Variants in SPTBN4 observed in about 807,000 individuals in gnomAD.
SPTBN4 encodes spectrin beta chain, non-erythrocytic 4.
Under a neutral mutation model 277.8 loss-of-function variants are expected in SPTBN4, and 96 were observed. That is an observed-to-expected ratio of 0.35 (90% CI 0.29 to 0.41). SPTBN4 has a LOEUF of 0.41. SPTBN4 is among the 10% of genes least tolerant of loss of function. The pLI, the probability that SPTBN4 is intolerant of heterozygous loss-of-function variation, is 1.00. For missense variants in SPTBN4, 3,006 were observed against 3,595.7 expected, an observed-to-expected ratio of 0.84 and a Z score of 4.19; for synonymous variants, 1,481 against 1,580.3, an observed-to-expected ratio of 0.94 and a Z score of 1.49.
intron 2 of SPTBN4, among the ~76,000 whole-genome samples, chr19:40,485,435 C>T (rs2080060520): frequency 6.6e-6 from 1 of 152,154 alleles, no homozygotes; most frequent in Non-Finnish European, 1.5e-5. Flanking sequence ...GCCACCATGC[C>T]CAGCCTTTTT....
At chr19:40,575,035 C>A (rs976863911) in intron 35 of SPTBN4, among the ~76,000 whole-genome samples, 2 of 143,620 alleles carry the variant, frequency 1.4e-5, no homozygotes, top group South Asian at 2.2e-4. Flanking sequence ...AAAAAAAAGT[C>A]TCTTATCATA....
chr19:40,494,990 C>T lies in SPTBN4; in HGVS notation c.668+13C>T. On this transcript the variant is annotated intron_variant, in intron 6 of 35. Transcript: ENST00000598249. The stretch of plus-strand genomic sequence containing the variant: ...TTCACCGGCACAGGTACCACCTGGC[C>T]TGGGACAGCCCAGTCCTGCCCTTCA... 6.2e-7 allele frequency: 1 copy of T among 1,613,930 alleles called. No homozygotes were observed. The highest frequency in any genetic ancestry group is 8.5e-7 in the Non-Finnish European group (1 of 1,179,822).
chr19:40,570,183 C>A lies in SPTBN4; in HGVS notation c.7027-253C>A, dbSNP rs2081140509. Among the ~76,000 whole-genome samples the A allele has an allele frequency of 2.0e-5, 3 of 151,880 alleles. No homozygotes were observed. In the South Asian group the frequency reaches 6.3e-4, roughly 32 times the overall value. ...CAGTGGGGACACGCCCTGCTTGCAC[C>A]CCCACCTCCAGAGATCTGGCTGCCT... is the stretch of plus-strand genomic sequence containing the variant. On this transcript the variant is annotated intron_variant, in intron 32 of 35. Transcript: ENST00000598249.
chr19:40,554,024 T>G lies in SPTBN4; in HGVS notation c.4675-123T>G, dbSNP rs750816152. 62 of 1,006,930 alleles carry G rather than the reference T, an allele frequency of 6.2e-5. No individual in the cohort carries two copies. The highest frequency in any genetic ancestry group is 7.2e-5 in the Non-Finnish European group (53 of 739,190). The allele number at this position is 1,006,930 out of a possible 1,614,324, so 62.4% of individuals were successfully genotyped here. A position where few individuals can be genotyped will look rare whatever the true frequency, so the allele number is the denominator to read the frequency against. ...ATGTTTACATGGTCTTGGCACGTGG[T>G]TAGCGAGCTGGGGGTGCTTGTTAAT... On this transcript the variant is annotated intron_variant, in intron 22 of 35. Coordinates refer to ENST00000598249, the MANE Select transcript of SPTBN4 (RefSeq NM_020971.3). The surrounding 1 kb of genome is among the most constrained non-coding windows in gnomAD (Gnocchi z 5.7).
At position 40,556,584 on chromosome 19, in the gene SPTBN4, TATG is replaced by T. The variant is rs35565841; in HGVS notation, c.5289+317_5289+319del. On this transcript the variant is annotated intron_variant, in intron 25 of 35. Coordinates refer to ENST00000598249, the MANE Select transcript of SPTBN4 (RefSeq NM_020971.3). ...TCAGTAAGTGTTAGATATTATTTTT[TATG>T]ATGATGATGATGATGATGATTATCA... Among the ~76,000 whole-genome samples, 7 of 151,288 alleles carry T rather than the reference TATG, an allele frequency of 4.6e-5. No individual in the cohort carries two copies. In the East Asian group the frequency reaches 5.8e-4, roughly 13 times the overall value.
chr19:40,565,282 A>T, intron 27 of SPTBN4, 141 bp from the exon 28 acceptor site: 2 of 1,134,560 alleles, frequency 1.8e-6, no homozygotes, highest in Non-Finnish European at 2.5e-6. Context: ...AAAAGAAAAG[A>T]AAAGAAAAGA....
At chr19:40,494,410 A>C (rs1599728587) in intron 5 of SPTBN4, among the ~76,000 whole-genome samples, 2 of 137,686 alleles carry the variant, frequency 1.5e-5, no homozygotes, top group African/African-American at 2.7e-5. Flanking sequence ...CTGTCTTGAT[A>C]CCTCTCTCCT....
intron 20 of SPTBN4, chr19:40,534,587 G>C (rs1029419448): frequency 2.3e-5 from 12 of 530,478 alleles, no homozygotes; most frequent in Non-Finnish European, 3.4e-6. Flanking sequence ...AAAGCAGTAG[G>C]TAAATGACTA....
At position 40,519,731 on chromosome 19, in the gene SPTBN4, G is replaced by A. The variant is rs1428387070; in HGVS notation, c.3234G>A (p.Gln1078=). 2.1e-6 allele frequency: 3 copies of A among 1,407,542 alleles called. No homozygotes were observed. Among genetic ancestry groups the A allele is most frequent in the East Asian group, 3.0e-5 (1 of 33,508 alleles). The allele number at this position is 1,407,542 out of a possible 1,614,324, so 87.2% of individuals were successfully genotyped here. Residue 1078 remains glutamine, a synonymous_variant, in exon 16 of 36, where the codon CAG becomes CAA. Coordinates refer to ENST00000598249, the MANE Select transcript of SPTBN4 (RefSeq NM_020971.3). The surrounding 1 kb of genome is among the most constrained non-coding windows in gnomAD (Gnocchi z 5.7). ...AEWGALASAA[Q]ACGEAVAAAG... ...GGGGCGCGCTAGCTAGCGCGGCTCA[G>A]GCCTGCGGCGAGGCGGTGGCGGCAG...
chr19:40,477,001 G>C (rs1206604174), intron 2 of SPTBN4, among the ~76,000 whole-genome samples: 2 of 151,182 alleles, frequency 1.3e-5, no homozygotes, highest in Non-Finnish European at 2.9e-5. Context: ...TTACAGATGT[G>C]TACCACCACT....
intron 15 of SPTBN4, among the ~76,000 whole-genome samples, chr19:40,518,408 G>A (rs1337753224): frequency 1.3e-5 from 2 of 152,074 alleles, no homozygotes; most frequent in Admixed American, 1.3e-4. Flanking sequence ...ACTTAGTACT[G>A]AGAAAATTTA....
At chr19:40,573,032 G>A (rs757713524) in intron 35 of SPTBN4, among the ~76,000 whole-genome samples, 1 of 152,158 alleles carries the variant, frequency 6.6e-6, no homozygotes, top group Non-Finnish European at 1.5e-5. Context: ...ATTCAGGTTG[G>A]GCACCATGGC....
chr19:40,535,756 C>T (rs1278857008), intron 20 of SPTBN4, among the ~76,000 whole-genome samples: 2 of 152,028 alleles, frequency 1.3e-5, no homozygotes, highest in South Asian at 2.1e-4. Flanking sequence ...TGTGGTCAAA[C>T]CTCATCTCTA....
rs1555816378 is a variant in SPTBN4 at position 40,516,034 on chromosome 19, C to CACT, written c.2903+587_2903+588insCTA. Reference sequence around the variant, plus strand: ...ATACACACATATACGTATATATACACATATATATGTATATATATATACACA... The same window carrying CACT: ...ATACACACATATACGTATATATACACACTATATATATGTATATATATATACACA... On this transcript the variant is annotated intron_variant, in intron 15 of 35. Coordinates refer to ENST00000598249, the MANE Select transcript of SPTBN4 (RefSeq NM_020971.3). 3.0e-4 allele frequency among the ~76,000 whole-genome samples: 42 copies of CACT among 142,274 alleles called. 1 individual carries two copies. Among genetic ancestry groups the CACT allele is most frequent in the Non-Finnish European group, 5.1e-4 (34 of 66,270 alleles). The allele number at this position is 142,274 out of a possible 152,430, so 93.3% of individuals were successfully genotyped here.
At chr19:40,511,538 A>G (rs1053896661) in intron 13 of SPTBN4, among the ~76,000 whole-genome samples, 3 of 152,210 alleles carry the variant, frequency 2.0e-5, no homozygotes, top group African/African-American at 7.2e-5. Context: ...GCTGTGACCC[A>G]TTAAATTAAC....
In SPTBN4 at chr19:40,490,386, T is replaced by G; in HGVS notation, c.495+138T>G. ...CTATTCCAGGTGTTAGGGATGAAAA[T>G]AATGATAAAAATAATTGTCACGATC... On this transcript the variant is annotated intron_variant, in intron 4 of 35. Coordinates refer to ENST00000598249, the MANE Select transcript of SPTBN4 (RefSeq NM_020971.3). The surrounding 1 kb of genome is among the most constrained non-coding windows in gnomAD (Gnocchi z 4.3). 1 of 1,123,914 alleles carries G rather than the reference T, an allele frequency of 8.9e-7. No individual in the cohort carries two copies. The highest frequency in any genetic ancestry group is 1.2e-6 in the Non-Finnish European group (1 of 805,684). The allele number at this position is 1,123,914 out of a possible 1,614,324, so 69.6% of individuals were successfully genotyped here.
intron 13 of SPTBN4, among the ~76,000 whole-genome samples, chr19:40,508,613 G>A (rs2080356149): frequency 1.3e-5 from 2 of 152,174 alleles, no homozygotes; most frequent in Non-Finnish European, 2.9e-5. Context: ...GCTTGAATCT[G>A]GGAGGCGGAG....
At chr19:40,569,522 G>A in intron 31 of SPTBN4, 135 bp from the exon 32 acceptor site, 1 of 822,124 alleles carries the variant, frequency 1.2e-6, no homozygotes, top group Non-Finnish European at 1.9e-6. Flanking sequence ...GCGAGCATCT[G>A]AGAGAAACAG....
chr19:40,494,979 T>A lies in SPTBN4; in HGVS notation c.668+2T>A. 1 of 1,614,018 alleles carries A rather than the reference T, an allele frequency of 6.2e-7. No individual in the cohort carries two copies. The highest frequency in any genetic ancestry group is 8.5e-7 in the Non-Finnish European group (1 of 1,179,926). Reference sequence around the variant, plus strand: ...CAATGCCCTCATTCACCGGCACAGGTACCACCTGGCCTGGGACAGCCCAGT... The same window carrying A: ...CAATGCCCTCATTCACCGGCACAGGAACCACCTGGCCTGGGACAGCCCAGT... On this transcript the variant is annotated splice_donor_variant, in intron 6 of 35. Transcript: ENST00000598249. LOFTEE classifies it high-confidence loss of function.
Sources: gnomAD v4.1 joint callset for allele counts (sites outside exome capture counted in the v4.1 genomes callset) on GRCh38, gnomAD v4.1.1 for gene constraint, Gnocchi (gnomAD v3.1) non-coding constraint, MANE v1.5 for transcripts, NCBI Gene and HGNC (gene_info 2026-07-23, HGNC 2026-07-21) for gene names.